The following GSE1 variants were observed in gnomAD, a reference collection of about 807,000 sequenced individuals.
GSE1 encodes the protein Gse1 coiled-coil protein.
GSE1 carries 32 observed loss-of-function variants against 112.6 expected under a neutral mutation model. That is an observed-to-expected ratio of 0.28 (90% confidence interval 0.21 to 0.38). The LOEUF is 0.38. Among genes scored for constraint, GSE1 ranks in the 10% least tolerant of loss-of-function variants. The probability of loss-of-function intolerance (pLI) is 1.00; values close to 1 mark genes in which losing one functional copy is unlikely to be tolerated. For synonymous variants in GSE1, 1,115 were observed against 735.6 expected (o/e 1.52, Z -8.35); for missense variants, 2,348 against 1,699.2 (o/e 1.38, Z -6.71).
intron 1 of GSE1, among the ~76,000 whole-genome samples, 177 bp downstream of exon 1, chr16:85,613,575 T>G (rs1335879407): frequency 6.6e-6 from 1 of 150,980 alleles, no homozygotes; most frequent in Non-Finnish European, 1.5e-5. Context: ...GGCCACCCCC[T>G]TCCTCCGCCC....
At chr16:85,362,237 T>C (rs1363490449) in intron 2 of GSE1, among the ~76,000 whole-genome samples, 1 of 152,234 alleles carries the variant, frequency 6.6e-6, no homozygotes, top group East Asian at 1.9e-4. Context: ...GGGTGAGCAG[T>C]TGAGCTCATC....
rs1422132066 is a variant in GSE1, at chr16:85,572,096, C to CCA, written c.37+15743_37+15744dup. On this transcript the variant is annotated intron_variant, in intron 1 of 2. Transcript: ENST00000635906. ...ACCACACCCCCCCACACCCCACATA[C>CCA]CACACACACACCACACACAACGCAC... Among the ~76,000 whole-genome samples the CCA allele has an allele frequency of 8.7e-5, 13 of 150,206 alleles. No homozygotes were observed. The South Asian group carries it at 1.7e-3, about 19-fold the overall frequency.
upstream of GSE1, among the ~76,000 whole-genome samples, chr16:85,606,916 T>C (rs2047729445): frequency 6.6e-6 from 1 of 152,356 alleles, no homozygotes; most frequent in Admixed American, 6.5e-5. Context: ...TTCCCCTGCC[T>C]CGGCCTGGCC....
intron 2 of GSE1, among the ~76,000 whole-genome samples, chr16:85,367,792 G>A (rs1597501802): frequency 2.0e-5 from 3 of 151,392 alleles, no homozygotes. Context: ...TTAGTCAGCT[G>A]TTGCTGGGAG....
intron 1 of GSE1, among the ~76,000 whole-genome samples, chr16:85,257,932 C>T (rs948484733): frequency 6.6e-6 from 1 of 152,386 alleles, no homozygotes; most frequent in East Asian, 1.9e-4. Context: ...AGGCCCCTCA[C>T]CTGGAGATTC....
At chr16:85,550,514 A>G (rs1274138339) in intron 2 of GSE1, among the ~76,000 whole-genome samples, 1 of 151,714 alleles carries the variant, frequency 6.6e-6, no homozygotes, top group Non-Finnish European at 1.5e-5. Flanking sequence ...ATTCCAGGTT[A>G]GCCACGCAGC....
upstream of GSE1, among the ~76,000 whole-genome samples, chr16:85,611,754 G>A (rs1238955931): frequency 6.6e-6 from 1 of 152,080 alleles, no homozygotes; most frequent in Non-Finnish European, 1.5e-5. Context: ...GCTCCCCGCT[G>A]GCGCGGGCCC....
intron 1 of GSE1, among the ~76,000 whole-genome samples, chr16:85,578,134 C>G (rs930226717): frequency 4.6e-5 from 7 of 152,256 alleles, no homozygotes; most frequent in Admixed American, 2.0e-4. Flanking sequence ...ACCCAGCAGG[C>G]TGGAGGAGAT....
rs1423873545 is a variant in GSE1 at position 85,675,473 on chromosome 16, A to T, written c.*2934A>T. 2.0e-5 allele frequency: 3 copies of T among 152,228 alleles called. No individual in the cohort carries two copies. The highest frequency in any genetic ancestry group is 4.4e-5 in the Non-Finnish European group (3 of 68,038). 9.4% of individuals were successfully genotyped at this position (152,228 alleles called of 1,614,324 possible). A position where few individuals can be genotyped will look rare whatever the true frequency, so the allele number is the denominator to read the frequency against. On this transcript the variant is annotated 3_prime_UTR_variant, in exon 16 of 16. Transcript: ENST00000253458. Reference sequence around the variant, plus strand: ...CGGGACTTTCCACATTTTAGTCTACATTCTAATCTTAAAGGAATAAAGCAC... The same window carrying T: ...CGGGACTTTCCACATTTTAGTCTACTTTCTAATCTTAAAGGAATAAAGCAC...
intron 2 of GSE1, among the ~76,000 whole-genome samples, chr16:85,446,525 G>A (rs886391790): frequency 4.6e-5 from 7 of 152,152 alleles, no homozygotes; most frequent in Non-Finnish European, 7.4e-5. Flanking sequence ...TGGGCCCAGC[G>A]TTGGCTCTGG....
At chr16:85,441,412 T>C (rs894800517) in intron 2 of GSE1, among the ~76,000 whole-genome samples, 5 of 152,174 alleles carry the variant, frequency 3.3e-5, no homozygotes, top group African/African-American at 1.2e-4. Flanking sequence ...CCCAGCACTT[T>C]GGGAGGCTGA....
chr16:85,478,898 TC>T, intron 2 of GSE1, among the ~76,000 whole-genome samples: 7 of 78,802 alleles, frequency 8.9e-5, no homozygotes, highest in African/African-American at 3.2e-4. Flanking sequence ...TTTCTTTCTT[TC>T]TTTCTTTCTT....
rs932498067 is a variant in GSE1, at chr16:85,673,926, A to T, written c.*1387A>T. 1 of 152,274 alleles carries T rather than the reference A, an allele frequency of 6.6e-6. No homozygotes were observed. Among genetic ancestry groups the T allele is most frequent in the Non-Finnish European group, 1.5e-5 (1 of 68,050 alleles). The allele number at this position is 152,274 out of a possible 1,614,324, so 9.4% of individuals were successfully genotyped here. A position where few individuals can be genotyped will look rare whatever the true frequency, so the allele number is the denominator to read the frequency against. On this transcript the variant is annotated 3_prime_UTR_variant, in exon 16 of 16. Coordinates refer to ENST00000253458, the MANE Select transcript of GSE1 (RefSeq NM_014615.5). ...AACGCAAAGCTTTGTAAAAGCCACA[A>T]GGTCTGAGCTGAACCCCTCCTTTTT...
intron 2 of GSE1, among the ~76,000 whole-genome samples, chr16:85,392,549 TA>T (rs2047866237): frequency 1.3e-5 from 2 of 152,230 alleles, no homozygotes; most frequent in Non-Finnish European, 2.9e-5. Flanking sequence ...CTGTGTGCTT[TA>T]AATGGGATCA....
chr16:85,530,353 G>A (rs188000463), intron 2 of GSE1, among the ~76,000 whole-genome samples: 8 of 152,326 alleles, frequency 5.3e-5, no homozygotes, highest in Non-Finnish European at 7.4e-5. Context: ...TCTCCTCCCC[G>A]GTGATGCAAT....
intron 1 of GSE1, among the ~76,000 whole-genome samples, chr16:85,237,927 C>T (rs1449356077): frequency 6.6e-6 from 1 of 152,158 alleles, no homozygotes; most frequent in African/African-American, 2.4e-5. Context: ...ACCCCAGCGT[C>T]ATGAACAGGG....
intron 2 of GSE1, among the ~76,000 whole-genome samples, chr16:85,500,649 C>T (rs900129117): frequency 2.6e-5 from 4 of 152,246 alleles, no homozygotes; most frequent in African/African-American, 9.6e-5. Flanking sequence ...TGCCCCTCTT[C>T]TCCATGTCAC....
intron 1 of GSE1, among the ~76,000 whole-genome samples, chr16:85,192,155 G>A (rs958079336): frequency 6.6e-6 from 1 of 152,200 alleles, no homozygotes. Flanking sequence ...CAGTACTGTG[G>A]GTGGGACCAT....
At chr16:85,252,900 G>A (rs1405148132) in intron 1 of GSE1, among the ~76,000 whole-genome samples, 2 of 152,134 alleles carry the variant, frequency 1.3e-5, no homozygotes, top group African/African-American at 2.4e-5. Flanking sequence ...CCACAGGCTC[G>A]GCTCCCTTGC....
Sources: gnomAD v4.1 joint callset for allele counts (sites outside exome capture counted in the v4.1 genomes callset) on GRCh38, gnomAD v4.1.1 for gene constraint, MANE v1.5 for transcripts, NCBI Gene and HGNC (gene_info 2026-07-23, HGNC 2026-07-21) for gene names.